Variants in ANGPT1 observed in about 807,000 individuals in gnomAD.
ANGPT1 encodes the protein angiopoietin-1.
In ANGPT1, 17 loss-of-function variants were observed where a neutral mutation model predicts 62.2. The observed-to-expected ratio is 0.27, with a 90% confidence interval of 0.19 to 0.41. The LOEUF (loss-of-function observed/expected upper bound fraction) is 0.41. Among genes scored for constraint, ANGPT1 ranks in the 10% least tolerant of loss-of-function variants. The pLI, the probability that ANGPT1 is intolerant of heterozygous loss-of-function variation, is 1.00. For synonymous variants in ANGPT1, 199 were observed against 198.9 expected, an observed-to-expected ratio of 1.00 and a Z score of 0.00; for missense variants, 478 against 594.9, an observed-to-expected ratio of 0.80 and a Z score of 2.04.
intron 1 of ANGPT1, among the ~76,000 whole-genome samples, chr8:107,456,171 C>A (rs142606387): frequency 1.3e-5 from 2 of 152,128 alleles, no homozygotes; most frequent in Admixed American, 1.3e-4. Flanking sequence ...ATGTTTAAGT[C>A]AACCAAACAT....
chr8:107,418,138 C>T (rs1283675), intron 1 of ANGPT1, among the ~76,000 whole-genome samples: 124,577 of 152,080 alleles, frequency 0.82, 51,093 homozygotes, highest in East Asian at 0.85. Flanking sequence ...TTGTTTCTAA[C>T]GTAGAGAAAG....
intron 1 of ANGPT1, among the ~76,000 whole-genome samples, chr8:107,426,223 C>T (rs931869013): frequency 6.6e-6 from 1 of 152,070 alleles, no homozygotes; most frequent in Admixed American, 6.6e-5. Flanking sequence ...GAAGGTCAGG[C>T]TTCACTCACT....
intron 1 of ANGPT1, among the ~76,000 whole-genome samples, chr8:107,458,005 G>C (rs1811968616): frequency 1.3e-5 from 2 of 151,978 alleles, no homozygotes; most frequent in South Asian, 4.1e-4. Flanking sequence ...ATCATATTGA[G>C]TGTGAAAAAA....
intron 7 of ANGPT1, among the ~76,000 whole-genome samples, chr8:107,272,882 G>T (rs1813770661): frequency 1.1e-5 from 1 of 93,248 alleles, no homozygotes; most frequent in Non-Finnish European, 2.1e-5. Flanking sequence ...CCTTTTTTAA[G>T]AATACATAAA....
rs1814881266 is a variant in ANGPT1 at position 107,312,050 on chromosome 8, C to T, written c.809-8683G>A. Among the ~76,000 whole-genome samples, 4 of 130,942 alleles carry T rather than the reference C, an allele frequency of 3.1e-5. No individual in the cohort carries two copies. In the Admixed American group the frequency reaches 3.5e-4, roughly 12 times the overall value. The allele number at this position is 130,942 out of a possible 152,430, so 85.9% of individuals were successfully genotyped here. On this transcript the variant is annotated intron_variant, in intron 4 of 8. Coordinates refer to ENST00000517746, the MANE Select transcript of ANGPT1 (RefSeq NM_001146.5). Reference sequence around the variant, plus strand: ...CTGCACTCCAGCCTGGGCGACAGAGCGAGACTCCGTTTCAAAAAAAAAAAA... The same window carrying T: ...CTGCACTCCAGCCTGGGCGACAGAGTGAGACTCCGTTTCAAAAAAAAAAAA...
chr8:107,346,716 G>C (rs1359217764), intron 2 of ANGPT1, among the ~76,000 whole-genome samples: 1 of 152,068 alleles, frequency 6.6e-6, no homozygotes, highest in Non-Finnish European at 1.5e-5. Context: ...GAGGTCCTTT[G>C]CTAGCTCTGT....
intron 8 of ANGPT1, among the ~76,000 whole-genome samples, chr8:107,254,120 G>T (rs987139842): frequency 1.3e-5 from 2 of 152,018 alleles, no homozygotes; most frequent in African/African-American, 4.8e-5. Flanking sequence ...AATGACCGGC[G>T]GGTCACTGCA....
At chr8:107,268,822 A>G (rs1813674624) in intron 7 of ANGPT1, among the ~76,000 whole-genome samples, 1 of 148,642 alleles carries the variant, frequency 6.7e-6, no homozygotes, top group South Asian at 2.2e-4. Context: ...CAATGTAAAC[A>G]GTGACATATA....
intron 1 of ANGPT1, among the ~76,000 whole-genome samples, chr8:107,371,808 G>A (rs151191852): frequency 0.011 from 1,707 of 152,134 alleles, 22 homozygotes; most frequent in Middle Eastern, 0.024. Flanking sequence ...ACCCAGGACT[G>A]CCTTTCCCCA....
chr8:107,476,427 G>T (rs1339321937), intron 1 of ANGPT1, among the ~76,000 whole-genome samples: 2 of 152,054 alleles, frequency 1.3e-5, no homozygotes, highest in African/African-American at 4.8e-5. Flanking sequence ...ACACACCAGG[G>T]CCTGTCATGG....
intron 4 of ANGPT1, among the ~76,000 whole-genome samples, chr8:107,316,129 T>C (rs571422082): frequency 2.0e-5 from 3 of 152,318 alleles, no homozygotes; most frequent in South Asian, 4.1e-4. Context: ...ATTAGACTTC[T>C]AGGAAGTCAT....
chr8:107,332,023 C>T (rs2130103194), intron 3 of ANGPT1, among the ~76,000 whole-genome samples: 1 of 152,286 alleles, frequency 6.6e-6, no homozygotes, highest in South Asian at 2.1e-4. Context: ...GCTGGGAAAA[C>T]TGGCCAGTTG....
At chr8:107,391,419 C>A (rs776469198) in intron 1 of ANGPT1, among the ~76,000 whole-genome samples, 1 of 152,176 alleles carries the variant, frequency 6.6e-6, no homozygotes, top group Non-Finnish European at 1.5e-5. Flanking sequence ...GTAATCCCAG[C>A]ACTTCTGGGG....
intron 1 of ANGPT1, among the ~76,000 whole-genome samples, chr8:107,473,563 T>C (rs1812421327): frequency 6.6e-6 from 1 of 152,128 alleles, no homozygotes; most frequent in South Asian, 2.1e-4. Flanking sequence ...CTTCACTGAA[T>C]TTGTTAATAA....
At chr8:107,324,346 C>A (rs184145033) in intron 3 of ANGPT1, among the ~76,000 whole-genome samples, 1 of 151,868 alleles carries the variant, frequency 6.6e-6, no homozygotes, top group East Asian at 1.9e-4. Context: ...AGCTTCTAAT[C>A]CACTATGATT....
intron 1 of ANGPT1, among the ~76,000 whole-genome samples, chr8:107,391,865 A>G (rs1816842593): frequency 6.6e-6 from 1 of 152,158 alleles, no homozygotes; most frequent in Admixed American, 6.5e-5. Flanking sequence ...GTGTATCTAA[A>G]CACAGAAAAT....
intron 4 of ANGPT1, among the ~76,000 whole-genome samples, chr8:107,316,421 G>A (rs1316735353): frequency 2.6e-5 from 4 of 152,132 alleles, no homozygotes; most frequent in African/African-American, 9.7e-5. Flanking sequence ...TTCATATAGA[G>A]TTGGTAATAG....
chr8:107,260,152 C>T (rs955294791), intron 8 of ANGPT1, among the ~76,000 whole-genome samples: 2 of 152,072 alleles, frequency 1.3e-5, no homozygotes, highest in African/African-American at 4.8e-5. Context: ...TACCTTGGGT[C>T]TAGCTGAAAT....
chr8:107,444,358 A>AC (rs1194014735), intron 1 of ANGPT1, among the ~76,000 whole-genome samples: 1 of 151,916 alleles, frequency 6.6e-6, no homozygotes, highest in African/African-American at 2.4e-5. Flanking sequence ...AGCAAATCAC[A>AC]CTCTCTTCAA....
Sources: allele counts gnomAD v4.1 joint callset (sites outside exome capture counted in the v4.1 genomes callset), GRCh38; gene constraint gnomAD v4.1.1; transcripts MANE v1.5; gene names NCBI Gene and HGNC (gene_info 2026-07-23, HGNC 2026-07-21).